The following CXCL13 variants were observed in gnomAD, a reference collection of about 807,000 sequenced individuals.
The protein encoded by CXCL13 is C-X-C motif chemokine 13.
A neutral mutation model predicts 12.2 loss-of-function variants in CXCL13; 7 were observed. The observed-to-expected ratio is 0.57, with a 90% CI of 0.33 to 1.07. CXCL13 has a LOEUF of 1.07. Among genes scored for constraint, CXCL13 ranks in the 50% least tolerant of loss-of-function variants. CXCL13 has a pLI of 0.04. For missense variants in CXCL13, 113 were observed against 127.4 expected (o/e 0.89, Z 0.55); for synonymous variants, 47 against 42.4 (o/e 1.11, Z -0.42).
chr4:77,518,252 TA>T (rs1353877219), intron 1 of CXCL13, among the ~76,000 whole-genome samples: 1 of 152,228 alleles, frequency 6.6e-6, no homozygotes, highest in African/African-American at 2.4e-5. Context: ...TCAACTTTGG[TA>T]AATCTGACAA....
chr4:77,602,704 A>G (rs919963133), upstream of CXCL13, among the ~76,000 whole-genome samples: 2 of 152,348 alleles, frequency 1.3e-5, no homozygotes, highest in African/African-American at 2.4e-5. Flanking sequence ...ATCAGGTTTG[A>G]TATAAACCAA....
intron 1 of CXCL13, among the ~76,000 whole-genome samples, chr4:77,512,592 T>C (rs1321735168): frequency 2.0e-5 from 3 of 152,120 alleles, no homozygotes; most frequent in Non-Finnish European, 4.4e-5. Context: ...TCTCTTCTTA[T>C]AAGGACACCA....
At chr4:77,527,642 A>AT (rs1432814374) in intron 1 of CXCL13, among the ~76,000 whole-genome samples, 1 of 152,090 alleles carries the variant, frequency 6.6e-6, no homozygotes, top group African/African-American at 2.4e-5. Context: ...AGATAAAAAA[A>AT]AAAGAAAGAA....
In CXCL13 at chr4:77,594,113, G is replaced by A. The variant is rs184861234; in HGVS notation, c.-42-11711G>A. 3.3e-5 allele frequency among the ~76,000 whole-genome samples: 5 copies of A among 152,280 alleles called. No homozygotes were observed. In the East Asian group the frequency reaches 9.7e-4, roughly 29 times the overall value. On this transcript the variant is annotated intron_variant, in intron 1 of 4. Coordinates refer to the CXCL13 transcript ENST00000286758. ...ACATGCTGCAGGTGTAAGTGTTTGG[G>A]GGCTCCACATTCCAGTGTGATGCAA...
chr4:77,542,733 T>A (rs1725235760), intron 1 of CXCL13, among the ~76,000 whole-genome samples: 2 of 152,214 alleles, frequency 1.3e-5, no homozygotes. Context: ...CATGGTGAAC[T>A]AACTTTTTTA....
chr4:77,586,199 T>G (rs1302252940), intron 1 of CXCL13, among the ~76,000 whole-genome samples: 1 of 151,840 alleles, frequency 6.6e-6, no homozygotes, highest in Non-Finnish European at 1.5e-5. Flanking sequence ...GAAGTTAAGG[T>G]GAAAGTCTAA....
At chr4:77,592,314 G>A (rs1726632617) in intron 1 of CXCL13, among the ~76,000 whole-genome samples, 2 of 152,154 alleles carry the variant, frequency 1.3e-5, no homozygotes, top group South Asian at 4.2e-4. Context: ...TATGCTAAGT[G>A]AAATAAGCCA....
intron 1 of CXCL13, among the ~76,000 whole-genome samples, chr4:77,533,292 A>T (rs1724977108): frequency 6.6e-6 from 1 of 152,200 alleles, no homozygotes; most frequent in African/African-American, 2.4e-5. Context: ...AGTTTGCTGG[A>T]GGTCTACGCC....
chr4:77,589,932 CT>C (rs1560534876), intron 1 of CXCL13, among the ~76,000 whole-genome samples: 1 of 152,086 alleles, frequency 6.6e-6, no homozygotes, highest in African/African-American at 2.4e-5. Flanking sequence ...CTTTTCTCTC[CT>C]TTTTTAATTA....
chr4:77,607,474 A>G (rs1362090850), intron 1 of CXCL13, among the ~76,000 whole-genome samples: 1 of 152,326 alleles, frequency 6.6e-6, no homozygotes, highest in East Asian at 1.9e-4. Context: ...GGTGTAAGCC[A>G]CTGTGCCTGG....
intron 1 of CXCL13, among the ~76,000 whole-genome samples, chr4:77,546,398 G>A (rs1410188755): frequency 3.3e-5 from 5 of 152,108 alleles, no homozygotes; most frequent in South Asian, 4.1e-4. Context: ...TGGTTGGTAG[G>A]CTATTAATTA....
At chr4:77,517,219 A>T (rs976681695) in intron 1 of CXCL13, among the ~76,000 whole-genome samples, 31 of 152,124 alleles carry the variant, frequency 2.0e-4, no homozygotes, top group Non-Finnish European at 4.0e-4. Context: ...GGAGAGCTTT[A>T]CTTCCAACTA....
intron 1 of CXCL13, among the ~76,000 whole-genome samples, chr4:77,598,253 T>C (rs1440188045): frequency 6.6e-6 from 1 of 152,224 alleles, no homozygotes; most frequent in Non-Finnish European, 1.5e-5. Flanking sequence ...GAATCGAGTC[T>C]GCCATATTAG....
intron 2 of CXCL13, among the ~76,000 whole-genome samples, chr4:77,609,451 A>G (rs202042199): frequency 6.6e-6 from 1 of 151,566 alleles, no homozygotes; most frequent in Non-Finnish European, 1.5e-5. Context: ...TAGCTGGGAC[A>G]ACAGGTGCAC....
chr4:77,562,545 G>A (rs572292615), intron 1 of CXCL13, among the ~76,000 whole-genome samples: 3 of 152,218 alleles, frequency 2.0e-5, no homozygotes, highest in Non-Finnish European at 4.4e-5. Flanking sequence ...GGGACTTGAA[G>A]AACTTTTATT....
chr4:77,542,511 A>T (rs1451380076), intron 1 of CXCL13, among the ~76,000 whole-genome samples: 2 of 152,110 alleles, frequency 1.3e-5, no homozygotes, highest in Non-Finnish European at 2.9e-5. Context: ...AGCAGTACCA[A>T]GGGGAAAATC....
At chr4:77,561,326 T>A (rs1351079121) in intron 1 of CXCL13, among the ~76,000 whole-genome samples, 2 of 152,174 alleles carry the variant, frequency 1.3e-5, no homozygotes, top group Admixed American at 1.3e-4. Context: ...GTAATTCCTA[T>A]CAATATTTAA....
intron 2 of CXCL13, among the ~76,000 whole-genome samples, chr4:77,608,760 G>A (rs1727069281): frequency 6.6e-6 from 1 of 152,206 alleles, no homozygotes; most frequent in South Asian, 2.1e-4. Context: ...TAACAATAAT[G>A]TCTAACTAAA....
intron 1 of CXCL13, among the ~76,000 whole-genome samples, chr4:77,562,930 A>G (rs1725846715): frequency 6.6e-6 from 1 of 152,190 alleles, no homozygotes; most frequent in African/African-American, 2.4e-5. Flanking sequence ...TAAGGGAATA[A>G]AAGCAGGCTG....
Sources: gnomAD v4.1 joint callset for allele counts (sites outside exome capture counted in the v4.1 genomes callset) on GRCh38, gnomAD v4.1.1 for gene constraint, MANE v1.5 for transcripts, NCBI Gene and HGNC (gene_info 2026-07-23, HGNC 2026-07-21) for gene names.